The following ZNF385C variants were observed in gnomAD, a reference collection of about 807,000 sequenced individuals.
The protein encoded by ZNF385C is zinc finger protein 385C, also known as CTD-2132N18.2.
Under a neutral mutation model 35.4 loss-of-function variants are expected in ZNF385C, and 28 were observed. The ratio of observed to expected loss-of-function variants is 0.79; its 90% CI spans 0.59 to 1.08. ZNF385C has a LOEUF of 1.08. Among genes scored for constraint, ZNF385C ranks in the 50% least tolerant of loss-of-function variants. The probability of loss-of-function intolerance (pLI) is 0.00; values close to 1 mark genes in which losing one functional copy is unlikely to be tolerated. For missense variants in ZNF385C, 605 were observed against 595.6 expected, an observed-to-expected ratio of 1.02 and a Z score of -0.16; for synonymous variants, 248 against 248.2, an observed-to-expected ratio of 1.00 and a Z score of 0.01.
At chr17:42,040,129 G>A (rs2052978233) in intron 2 of ZNF385C, 24 of 1,231,426 alleles carry the variant, frequency 1.9e-5, no homozygotes, top group Non-Finnish European at 2.3e-5. Context: ...CTCGCCATGC[G>A]TGCCCAGCTC....
At chr17:42,057,499 C>CGTGTGTGTGTGTGTGTGT (rs202100946) in intron 2 of ZNF385C, among the ~76,000 whole-genome samples, 16 of 131,656 alleles carry the variant, frequency 1.2e-4, no homozygotes, top group Non-Finnish European at 1.8e-4. Flanking sequence ...TAGGGGTGTG[C>CGTGTGTGTGTGTGTGTGT]GCGCGCGCGC....
intron 2 of ZNF385C, chr17:42,043,628 A>C (rs1260515862): frequency 3.0e-6 from 1 of 335,668 alleles, no homozygotes; most frequent in East Asian, 4.5e-5. Context: ...TTTAGGGTGG[A>C]GTGGTAGGCT....
Position 42,025,869 on chromosome 17 carries a change from T to G in ZNF385C, c.*1028A>C, listed in dbSNP as rs1330829959. 1 of 151,786 alleles carries G rather than the reference T, an allele frequency of 6.6e-6. No homozygotes were observed. Among genetic ancestry groups the G allele is most frequent in the Non-Finnish European group, 1.5e-5 (1 of 67,984 alleles). 9.4% of individuals were successfully genotyped at this position (151,786 alleles called of 1,614,324 possible). A position where few individuals can be genotyped will look rare whatever the true frequency, so the allele number is the denominator to read the frequency against. ...TCAGCTTCACAGTGGCAGGGGCTGG[T>G]TGGGAGAAGGGAAAGCTGAATTTAG... On this transcript the variant is annotated 3_prime_UTR_variant, in exon 9 of 9. Coordinates refer to ENST00000692273, the MANE Select transcript of ZNF385C (RefSeq NM_001392013.1).
At position 42,026,608 on chromosome 17, in the gene ZNF385C, A is replaced by T; in HGVS notation, c.*289T>A. On this transcript the variant is annotated 3_prime_UTR_variant, in exon 9 of 9. Coordinates refer to ENST00000692273, the MANE Select transcript of ZNF385C (RefSeq NM_001392013.1). ...GGCCATGTGGGTCTTGGGTGGAGGA[A>T]AGTGAGAGCACCACATGGCTGGGGC... is the stretch of plus-strand genomic sequence containing the variant. 2.1e-6 allele frequency: 1 copy of T among 473,604 alleles called. No homozygotes were observed. Among genetic ancestry groups the T allele is most frequent in the Non-Finnish European group, 3.8e-6 (1 of 260,128 alleles). 29.3% of individuals were successfully genotyped at this position (473,604 alleles called of 1,614,324 possible). A position where few individuals can be genotyped will look rare whatever the true frequency, so the allele number is the denominator to read the frequency against.
chr17:42,058,820 C>T (rs2053418553), intron 2 of ZNF385C, among the ~76,000 whole-genome samples: 1 of 152,166 alleles, frequency 6.6e-6, no homozygotes, highest in Non-Finnish European at 1.5e-5. Flanking sequence ...CCACACCTGG[C>T]TAATTTTTGT....
At chr17:42,073,349 G>A (rs377273448) in intron 1 of ZNF385C, among the ~76,000 whole-genome samples, 7 of 152,020 alleles carry the variant, frequency 4.6e-5, no homozygotes, top group Non-Finnish European at 1.0e-4. Flanking sequence ...TGGGAGAATC[G>A]CTTGAACCTG....
At chr17:42,028,687 G>C in intron 6 of ZNF385C, 96 bp downstream of exon 6, 1 of 1,429,588 alleles carries the variant, frequency 7.0e-7, no homozygotes, top group South Asian at 1.4e-5. Context: ...TCCAACCCTT[G>C]AGCGAAGCAC....
chr17:42,038,260 A>C (rs1348969454), intron 2 of ZNF385C: 8 of 548,154 alleles, frequency 1.5e-5, no homozygotes, highest in African/African-American at 1.4e-4. Flanking sequence ...TTTTATTGCA[A>C]ATTAAACTCA....
intron 5 of ZNF385C, 29 bp downstream of exon 5, chr17:42,031,590 C>T (rs782402893): frequency 6.4e-5 from 98 of 1,524,714 alleles, no homozygotes; most frequent in South Asian, 2.3e-4. Flanking sequence ...GGAGTGGAGA[C>T]GTGGGAAAGA....
Position 42,050,789 on chromosome 17 carries a change from C to T in ZNF385C, c.250+12018G>A, listed in dbSNP as rs2053267648. On this transcript the variant is annotated intron_variant, in intron 2 of 8. Transcript: ENST00000692273. This position sits in a 1 kb window ranked among gnomAD's most constrained non-coding sequence, Gnocchi z 5.6. Reference sequence around the variant, plus strand: ...CCGGCCCCGGCCCCACCCCCCAGCCCCTGCCGCCCCACGCGCGGCAGCAGG... The same window carrying T: ...CCGGCCCCGGCCCCACCCCCCAGCCTCTGCCGCCCCACGCGCGGCAGCAGG... Among the ~76,000 whole-genome samples, 2 of 151,396 alleles carry T rather than the reference C, an allele frequency of 1.3e-5. No individual in the cohort carries two copies. Among genetic ancestry groups the T allele is most frequent in the Non-Finnish European group, 2.9e-5 (2 of 67,800 alleles).
At chr17:42,054,861 T>A (rs1437522992) in intron 2 of ZNF385C, among the ~76,000 whole-genome samples, 1 of 152,066 alleles carries the variant, frequency 6.6e-6, no homozygotes, top group Non-Finnish European at 1.5e-5. Flanking sequence ...GGATTACAGG[T>A]GTGAGCCACA....
At chr17:42,063,863 C>A (rs947316096) in intron 1 of ZNF385C, among the ~76,000 whole-genome samples, 2 of 152,218 alleles carry the variant, frequency 1.3e-5, no homozygotes, top group Non-Finnish European at 1.5e-5. Flanking sequence ...CTGTGCCCTG[C>A]ACCCAGCAGG....
intron 1 of ZNF385C, among the ~76,000 whole-genome samples, chr17:42,074,388 C>T (rs1598201377): frequency 6.6e-6 from 1 of 150,498 alleles, no homozygotes; most frequent in Non-Finnish European, 1.5e-5. Flanking sequence ...AAAGCAGTTA[C>T]TAAAGATTTT....
intron 1 of ZNF385C, among the ~76,000 whole-genome samples, chr17:42,070,482 C>T (rs1432429316): frequency 6.6e-6 from 1 of 152,218 alleles, no homozygotes; most frequent in African/African-American, 2.4e-5. Flanking sequence ...ATGATTCTGC[C>T]TTAGCCTGGG....
At chr17:42,093,936 A>G (rs1555660772) in intron 1 of ZNF385C, among the ~76,000 whole-genome samples, 2 of 150,926 alleles carry the variant, frequency 1.3e-5, no homozygotes, top group African/African-American at 2.4e-5. Flanking sequence ...CTTGCCTGGC[A>G]GTGGAGGAGC....
chr17:42,064,158 C>T (rs886237), intron 1 of ZNF385C, among the ~76,000 whole-genome samples: 2,480 of 152,132 alleles, frequency 0.016, 65 homozygotes, highest in African/African-American at 0.057. Context: ...CCCCTCCAGG[C>T]CCCCATCTCC....
chr17:42,044,558 G>A (rs1241567727), intron 2 of ZNF385C, among the ~76,000 whole-genome samples: 3 of 151,822 alleles, frequency 2.0e-5, no homozygotes, highest in Non-Finnish European at 4.4e-5. Flanking sequence ...GGAGGTTGCA[G>A]TGAGCCGAGA....
At chr17:42,069,408 C>T (rs782790927) in intron 1 of ZNF385C, among the ~76,000 whole-genome samples, 65 of 152,086 alleles carry the variant, frequency 4.3e-4, no homozygotes, top group African/African-American at 1.5e-3. Context: ...CCCTGCCTGT[C>T]CATCCAGAGA....
intron 2 of ZNF385C, among the ~76,000 whole-genome samples, chr17:42,044,160 A>T (rs2053093935): frequency 6.6e-6 from 1 of 150,458 alleles, no homozygotes; most frequent in Non-Finnish European, 1.5e-5. Context: ...AAAAAAAAAA[A>T]AAATTAGCCA....
Sources: gnomAD v4.1 joint callset for allele counts (sites outside exome capture counted in the v4.1 genomes callset) on GRCh38, gnomAD v4.1.1 for gene constraint, Gnocchi (gnomAD v3.1) non-coding constraint, MANE v1.5 for transcripts, NCBI Gene and HGNC (gene_info 2026-07-23, HGNC 2026-07-21) for gene names.